Variants in DYNC1I2 observed in about 807,000 individuals in gnomAD.
The protein encoded by DYNC1I2 is cytoplasmic dynein 1 intermediate chain 2.
In DYNC1I2, 53 loss-of-function variants were observed where a neutral mutation model predicts 88.6. The ratio of observed to expected loss-of-function variants is 0.60; its 90% confidence interval spans 0.48 to 0.75. The LOEUF (loss-of-function observed/expected upper bound fraction) is 0.75, where lower values mean the gene tolerates loss of function less well. Among genes scored for constraint, DYNC1I2 ranks in the 30% least tolerant of loss-of-function variants. The probability of loss-of-function intolerance (pLI) is 0.00; values close to 1 mark genes in which losing one functional copy is unlikely to be tolerated. For missense variants in DYNC1I2, 458 were observed against 766.6 expected (o/e 0.60, Z 4.75); for synonymous variants, 198 against 254.6 (o/e 0.78, Z 2.12).
rs561013211 is a variant in DYNC1I2 at position 171,722,112 on chromosome 2, A to C, written c.512-3506A>C. On this transcript the variant is annotated intron_variant, in intron 7 of 17. Coordinates refer to ENST00000397119, the MANE Select transcript of DYNC1I2 (RefSeq NM_001378.3). ...TGAAGTCTCCTTCCTTCAGTTTAAC[A>C]AAAGCCACCCATTTCACAGATGATT... is the stretch of plus-strand genomic sequence containing the variant. Among the ~76,000 whole-genome samples the C allele has an allele frequency of 1.2e-4, 19 of 152,294 alleles. 1 individual carries two copies.
intron 15 of DYNC1I2, among the ~76,000 whole-genome samples, chr2:171,742,185 T>C (rs1412109125): frequency 7.9e-5 from 12 of 152,178 alleles, no homozygotes; most frequent in Non-Finnish European, 1.6e-4. Flanking sequence ...ATTTTTTTAT[T>C]TTTTGAGACA....
At chr2:171,711,208 G>C (rs1687105280) in intron 5 of DYNC1I2, among the ~76,000 whole-genome samples, 1 of 152,002 alleles carries the variant, frequency 6.6e-6, no homozygotes, top group Non-Finnish European at 1.5e-5. Context: ...TCATCGCGTT[G>C]GCCAGGCTGG....
At chr2:171,724,565 C>T (rs1230617244) in intron 7 of DYNC1I2, among the ~76,000 whole-genome samples, 1 of 152,162 alleles carries the variant, frequency 6.6e-6, no homozygotes, top group Non-Finnish European at 1.5e-5. Context: ...GCAGCTGGTT[C>T]CCATTCTTGA....
At chr2:171,702,689 A>G (rs989606939) in intron 3 of DYNC1I2, among the ~76,000 whole-genome samples, 1 of 151,856 alleles carries the variant, frequency 6.6e-6, no homozygotes, top group African/African-American at 2.4e-5. Flanking sequence ...GAAAAAAGAG[A>G]TACAGCTAAT....
At chr2:171,743,994 T>C (rs913328076) in intron 15 of DYNC1I2, 55 bp from the exon 16 acceptor site, 2 of 1,448,540 alleles carry the variant, frequency 1.4e-6, no homozygotes, top group Non-Finnish European at 1.8e-6. Flanking sequence ...ATAAGTAGTT[T>C]AATGATTTGT....
chr2:171,722,730 A>G (rs1687981684), intron 7 of DYNC1I2, among the ~76,000 whole-genome samples: 1 of 152,150 alleles, frequency 6.6e-6, no homozygotes. Flanking sequence ...TAAATTTGAT[A>G]ATTATTTAAG....
At chr2:171,698,860 C>G (rs1685988387) in intron 3 of DYNC1I2, among the ~76,000 whole-genome samples, 1 of 151,916 alleles carries the variant, frequency 6.6e-6, no homozygotes, top group South Asian at 2.1e-4. Context: ...CAGAGCGAGA[C>G]TCTGTCTCAA....
chr2:171,700,137 C>T (rs1686134373), intron 3 of DYNC1I2, among the ~76,000 whole-genome samples: 1 of 152,092 alleles, frequency 6.6e-6, no homozygotes, highest in South Asian at 2.1e-4. Flanking sequence ...CGAGGACTTG[C>T]TTTCATGGTG....
intron 7 of DYNC1I2, among the ~76,000 whole-genome samples, chr2:171,718,643 C>G (rs1001731210): frequency 2.2e-4 from 34 of 152,176 alleles, no homozygotes; most frequent in Non-Finnish European, 3.7e-4. Flanking sequence ...CCATGTTAGC[C>G]AGGATGGTCT....
At chr2:171,726,131 T>C (rs537702121) in intron 9 of DYNC1I2, 50 bp downstream of exon 9, 1 of 1,560,096 alleles carries the variant, frequency 6.4e-7, no homozygotes, top group East Asian at 2.3e-5. Flanking sequence ...TAAATTACTT[T>C]AAGATTAAGA....
intron 7 of DYNC1I2, among the ~76,000 whole-genome samples, chr2:171,720,025 G>C (rs1027867975): frequency 1.5e-5 from 2 of 135,432 alleles, no homozygotes; most frequent in African/African-American, 5.2e-5. Flanking sequence ...CACTTCTTCT[G>C]TATGGATTTT....
intron 5 of DYNC1I2, among the ~76,000 whole-genome samples, chr2:171,709,948 C>T (rs1203313848): frequency 1.3e-5 from 2 of 152,050 alleles, no homozygotes; most frequent in East Asian, 3.8e-4. Context: ...AACTCCTGAC[C>T]TCAGGTGATC....
chr2:171,703,686 T>C (rs1686449673), intron 3 of DYNC1I2, among the ~76,000 whole-genome samples: 1 of 152,164 alleles, frequency 6.6e-6, no homozygotes, highest in African/African-American at 2.4e-5. Flanking sequence ...AAGAAATTAA[T>C]ATTTCAGAGA....
chr2:171,742,059 C>G, intron 15 of DYNC1I2, among the ~76,000 whole-genome samples: 2 of 131,212 alleles, frequency 1.5e-5, no homozygotes, highest in African/African-American at 2.6e-5. Flanking sequence ...GAGCGAGACG[C>G]GGTCTCAGAA....
At chr2:171,742,031 A>T (rs892937120) in intron 15 of DYNC1I2, among the ~76,000 whole-genome samples, 1 of 150,490 alleles carries the variant, frequency 6.6e-6, no homozygotes, top group South Asian at 2.1e-4. Flanking sequence ...ATGCCACTGC[A>T]CTCCAACCTG....
rs767908570 is a variant in DYNC1I2, at chr2:171,726,029, C to T, written c.718C>T (p.Gln240Ter). ...TRIVERALSE[Q>*]INIFFDYSGR... is the part of the protein sequence containing the mutation. ...AATTGTAGAAAGAGCTCTTTCTGAGCAGATTAACATCTTCTTTGACTATAG... is the reference window on the plus strand; with the variant it reads ...AATTGTAGAAAGAGCTCTTTCTGAGTAGATTAACATCTTCTTTGACTATAG... The change falls in exon 9 of 18, where the codon CAG (glutamine) becomes TAG (stop). Residue 240 changes from glutamine to a stop codon, truncating the protein, a stop_gained. Coordinates refer to ENST00000397119, the MANE Select transcript of DYNC1I2 (RefSeq NM_001378.3). LOFTEE classifies it high-confidence loss of function. The T allele has an allele frequency of 1.3e-6, 2 of 1,592,696 alleles. No homozygotes were observed. Among genetic ancestry groups the T allele is most frequent in the Non-Finnish European group, 1.7e-6 (2 of 1,173,578 alleles).
chr2:171,742,970 G>A (rs1002615556), intron 15 of DYNC1I2, among the ~76,000 whole-genome samples: 1 of 152,110 alleles, frequency 6.6e-6, no homozygotes, highest in Non-Finnish European at 1.5e-5. Flanking sequence ...TGCATTTACA[G>A]TTGACCCTTG....
At chr2:171,698,051 A>G (rs1685919181) in intron 3 of DYNC1I2, among the ~76,000 whole-genome samples, 1 of 152,244 alleles carries the variant, frequency 6.6e-6, no homozygotes, top group Non-Finnish European at 1.5e-5. Context: ...CATCATAATT[A>G]GCCCCTTGTG....
chr2:171,740,499 A>G (rs1689347689), intron 15 of DYNC1I2, among the ~76,000 whole-genome samples: 1 of 152,154 alleles, frequency 6.6e-6, no homozygotes, highest in Non-Finnish European at 1.5e-5. Flanking sequence ...TCTTTTTCCT[A>G]CTTGCGATTT....
Sources: allele counts gnomAD v4.1 joint callset (sites outside exome capture counted in the v4.1 genomes callset), GRCh38; gene constraint gnomAD v4.1.1; transcripts MANE v1.5; gene names NCBI Gene and HGNC (gene_info 2026-07-23, HGNC 2026-07-21).